SEPTIN2: variants seen among roughly 807,000 people sequenced by gnomAD.
The protein encoded by SEPTIN2 is septin 2.
SEPTIN2 carries 34 observed loss-of-function variants against 46.5 expected under a neutral mutation model. The observed-to-expected ratio is 0.73, with a 90% CI of 0.56 to 0.97. SEPTIN2 has a LOEUF of 0.97. SEPTIN2 is among the 50% of genes least tolerant of loss of function. The probability of loss-of-function intolerance (pLI) is 0.00; values close to 1 mark genes in which losing one functional copy is unlikely to be tolerated. For synonymous variants in SEPTIN2, 175 were observed against 153.4 expected (o/e 1.14, Z -1.04); for missense variants, 347 against 448.4 (o/e 0.77, Z 2.04).
At chr2:241,333,764 A>G (rs1453912306) in intron 3 of SEPTIN2, among the ~76,000 whole-genome samples, 1 of 152,138 alleles carries the variant, frequency 6.6e-6, no homozygotes, top group Non-Finnish European at 1.5e-5. Context: ...CGGCCTCCCA[A>G]AGTGCTGGGA....
rs1420302538 is a variant in SEPTIN2 at position 241,338,944 on chromosome 2, A to G, written c.594+1154A>G. Among the ~76,000 whole-genome samples the G allele has an allele frequency of 4.7e-4, 46 of 97,986 alleles. 2 individuals carry two copies. In the South Asian group the frequency reaches 0.011, roughly 24 times the overall value. 64.3% of individuals were successfully genotyped at this position (97,986 alleles called of 152,430 possible). The stretch of plus-strand genomic sequence containing the variant: ...AATTGTACATATATTTATTATATAT[A>G]TTATATATATAATATATATTATAAA... On this transcript the variant is annotated intron_variant, in intron 7 of 12. Transcript: ENST00000391971.
chr2:241,334,144 G>A (rs1037408512), intron 3 of SEPTIN2, among the ~76,000 whole-genome samples: 6 of 152,136 alleles, frequency 3.9e-5, no homozygotes, highest in African/African-American at 1.4e-4. Context: ...AAAGTGCTGG[G>A]ATTATAGGTG....
At chr2:241,338,865 T>TATAATATATATAAAA (rs2080743235) in intron 7 of SEPTIN2, among the ~76,000 whole-genome samples, 15 of 40,272 alleles carry the variant, frequency 3.7e-4, no homozygotes, top group Non-Finnish European at 6.2e-4. Context: ...TATAAAAATA[T>TATAATATATATAAAA]ATATATTTAA....
At chr2:241,321,681 A>G (rs1162443545) in intron 1 of SEPTIN2, among the ~76,000 whole-genome samples, 1 of 150,778 alleles carries the variant, frequency 6.6e-6, no homozygotes, top group East Asian at 2.0e-4. Flanking sequence ...TTTTGTCCCC[A>G]TTGTCTTGAT....
In SEPTIN2 at chr2:241,343,865, CAAT is replaced by C; in HGVS notation, c.811_813del (p.Asn271del). 1 of 1,614,208 alleles carries C rather than the reference CAAT, an allele frequency of 6.2e-7. No homozygotes were observed. The highest frequency in any genetic ancestry group is 8.5e-7 in the Non-Finnish European group (1 of 1,180,016). On this transcript the variant is annotated inframe_deletion, in exon 9 of 13. Coordinates refer to ENST00000391971, the MANE Select transcript of SEPTIN2 (RefSeq NM_004404.5). ...TTGTGGAAGTGGAGAACCCAGAGCA[CAAT>C]GACTTTCTGAAGCTGAGAACCATGC...
intron 1 of SEPTIN2, among the ~76,000 whole-genome samples, chr2:241,321,245 C>T (rs1575137906): frequency 6.6e-6 from 1 of 151,968 alleles, no homozygotes; most frequent in East Asian, 1.9e-4. Context: ...TCAGAGAACT[C>T]TATTAAAGTT....
At chr2:241,342,122 A>G (rs1392554856) in intron 7 of SEPTIN2, among the ~76,000 whole-genome samples, 1 of 152,138 alleles carries the variant, frequency 6.6e-6, no homozygotes, top group Non-Finnish European at 1.5e-5. Flanking sequence ...TCCACTTTGT[A>G]ATTCCAATTT....
chr2:241,337,886 G>C (rs979291636), intron 7 of SEPTIN2, 96 bp downstream of exon 7: 29 of 768,380 alleles, frequency 3.8e-5, no homozygotes, highest in Non-Finnish European at 5.3e-5. Context: ...CTGCTCAGGT[G>C]TCGGGAGGCA....
intron 3 of SEPTIN2, among the ~76,000 whole-genome samples, chr2:241,327,745 A>C (rs1372949219): frequency 6.6e-6 from 1 of 152,074 alleles, no homozygotes; most frequent in Non-Finnish European, 1.5e-5. Flanking sequence ...ATAAACAGAA[A>C]GGTCTTTAAA....
chr2:241,337,702 A>G lies in SEPTIN2; in HGVS notation c.506A>G (p.Lys169Arg), dbSNP rs372617917. 1.9e-6 allele frequency: 3 copies of G among 1,613,850 alleles called. No individual in the cohort carries two copies. The highest frequency in any genetic ancestry group is 2.5e-6 in the Non-Finnish European group (3 of 1,179,924). Residue 169 changes from lysine (K) to arginine (R), a missense_variant, in exon 7 of 13, where the codon AAG becomes AGG. Physicochemically the swap from Lys to Arg is conservative, Grantham distance 26. Transcript: ENST00000391971. ...GLKPLDVAFM[K>R]AIHNKVNIVP... is the part of the protein sequence containing the mutation. Reference sequence around the variant, plus strand: ...AAGCCCTTAGATGTGGCGTTTATGAAGGCAATACACAACAAGGTGAATATT... The same window carrying G: ...AAGCCCTTAGATGTGGCGTTTATGAGGGCAATACACAACAAGGTGAATATT...
intron 1 of SEPTIN2, among the ~76,000 whole-genome samples, chr2:241,321,831 T>A (rs2077175653): frequency 6.6e-6 from 1 of 152,202 alleles, no homozygotes; most frequent in Non-Finnish European, 1.5e-5. Flanking sequence ...CCTTTTTTTT[T>A]ACTTTCATAA....
At chr2:241,348,736 CTT>C (rs751806611) in intron 11 of SEPTIN2, among the ~76,000 whole-genome samples, 220 of 151,840 alleles carry the variant, frequency 1.4e-3, no homozygotes, top group Non-Finnish European at 2.8e-3. Context: ...AGCTGAAAGA[CTT>C]TGGAGACAAT....
chr2:241,345,821 T>A (rs2060178210), intron 9 of SEPTIN2, among the ~76,000 whole-genome samples: 1 of 152,260 alleles, frequency 6.6e-6, no homozygotes, highest in African/African-American at 2.4e-5. Flanking sequence ...GAGTGTCTTC[T>A]ATTTCAGACA....
intron 3 of SEPTIN2, among the ~76,000 whole-genome samples, chr2:241,330,873 AAAGAT>A (rs1345691756): frequency 1.3e-5 from 2 of 152,238 alleles, no homozygotes; most frequent in African/African-American, 2.4e-5. Flanking sequence ...AGGACCCACT[AAAGAT>A]AAGAAATTAG....
chr2:241,336,347 C>A (rs2079980931), intron 5 of SEPTIN2: 1 of 450,024 alleles, frequency 2.2e-6, no homozygotes, highest in Non-Finnish European at 4.0e-6. Context: ...ATAAATGAAA[C>A]ACCTGGATTT....
At chr2:241,337,890 G>A in intron 7 of SEPTIN2, 100 bp downstream of exon 7, 2 of 732,834 alleles carry the variant, frequency 2.7e-6, no homozygotes, top group Non-Finnish European at 4.5e-6. Context: ...TCAGGTGTCG[G>A]GAGGCAGGGC....
intron 1 of SEPTIN2, chr2:241,316,482 C>T (rs1280140838): frequency 2.0e-6 from 3 of 1,522,462 alleles, no homozygotes; most frequent in East Asian, 5.1e-5. Context: ...CGTGGATAAG[C>T]GAGGGGAGAG....
chr2:241,324,337 A>T, intron 2 of SEPTIN2, 96 bp downstream of exon 2: 1 of 940,156 alleles, frequency 1.1e-6, no homozygotes, highest in South Asian at 1.4e-5. Flanking sequence ...ATTATTTTTA[A>T]TACAACTGAT....
chr2:241,329,790 A>G (rs1310746709), intron 3 of SEPTIN2, among the ~76,000 whole-genome samples: 5 of 152,190 alleles, frequency 3.3e-5, no homozygotes, highest in African/African-American at 1.2e-4. Flanking sequence ...AGAACTTCTT[A>G]AAAGAGGCAA....
Sources: gnomAD v4.1 joint callset for allele counts (sites outside exome capture counted in the v4.1 genomes callset) on GRCh38, gnomAD v4.1.1 for gene constraint, MANE v1.5 for transcripts, NCBI Gene and HGNC (gene_info 2026-07-23, HGNC 2026-07-21) for gene names.